The following PCDHGA7 variants were observed in gnomAD, a reference collection of about 807,000 sequenced individuals.
PCDHGA7 encodes the protein protocadherin gamma subfamily A, 7.
Under a neutral mutation model 58.3 loss-of-function variants are expected in PCDHGA7, and 44 were observed. The ratio of observed to expected loss-of-function variants is 0.75; its 90% CI spans 0.59 to 0.97. The LOEUF is 0.97. Ranked by LOEUF, PCDHGA7 falls within the 50% of genes least tolerant of loss-of-function variation. The probability of loss-of-function intolerance (pLI) is 0.00; values close to 1 mark genes in which losing one functional copy is unlikely to be tolerated. For synonymous variants in PCDHGA7, 516 were observed against 504.2 expected, an observed-to-expected ratio of 1.02 and a Z score of -0.31; for missense variants, 1,266 against 1,188.7, an observed-to-expected ratio of 1.06 and a Z score of -0.96.
At chr5:141,427,440 G>A (rs747459662) in intron 1 of PCDHGA7, 1 of 477,484 alleles carries the variant, frequency 2.1e-6, no homozygotes, top group South Asian at 1.5e-5. Flanking sequence ...CCTCATAAAC[G>A]AAAGAGTTCC....
chr5:141,393,981 T>G, intron 1 of PCDHGA7: 3 of 1,613,792 alleles, frequency 1.9e-6, no homozygotes, highest in Non-Finnish European at 2.5e-6. Flanking sequence ...ACGTGATAAT[T>G]TACCTTTTAA....
rs779250544 is a variant in PCDHGA7, at chr5:141,432,639, G to A, written c.2424+47316G>A. The A allele has an allele frequency of 1.2e-6, 2 of 1,613,816 alleles. No homozygotes were observed. Among genetic ancestry groups the A allele is most frequent in the Non-Finnish European group, 1.7e-6 (2 of 1,179,934 alleles). On this transcript the variant is annotated intron_variant, in intron 1 of 3. Coordinates refer to ENST00000518325, the MANE Select transcript of PCDHGA7 (RefSeq NM_018920.4). This position sits in a 1 kb window ranked among gnomAD's most constrained non-coding sequence, Gnocchi z 6.0. Reference sequence around the variant, plus strand: ...GTGGGTCTGCACACGGGCGAGGTGCGCACGGCGCGAGCCCTGCTGGACAGA... The same window carrying A: ...GTGGGTCTGCACACGGGCGAGGTGCACACGGCGCGAGCCCTGCTGGACAGA...
chr5:141,383,721 T>C lies in PCDHGA7; in HGVS notation c.822T>C (p.Asn274=), dbSNP rs990608432. The C allele has an allele frequency of 6.2e-6, 10 of 1,613,892 alleles. No individual in the cohort carries two copies. The South Asian group carries it at 6.6e-5, about 11-fold the overall frequency. Residue 274 remains asparagine, a synonymous_variant, in exon 1 of 4, where the codon AAT becomes AAC. Coordinates refer to ENST00000518325, the MANE Select transcript of PCDHGA7 (RefSeq NM_018920.4). ...VHAIDLDEGV[N]GEVTYSFRKI... is the part of the protein sequence containing the mutation. ...CTATCGACCTGGACGAGGGAGTCAA[T>C]GGGGAAGTGACATATTCTTTTCGGA...
At chr5:141,472,807 G>T (rs573078292) in intron 1 of PCDHGA7, among the ~76,000 whole-genome samples, 43 of 151,782 alleles carry the variant, frequency 2.8e-4, no homozygotes, top group African/African-American at 1.0e-3. Flanking sequence ...CCAACATGGA[G>T]AAACCCCCGT....
At position 141,422,526 on chromosome 5, in the gene PCDHGA7, G is replaced by A. The variant is rs956066609; in HGVS notation, c.2424+37203G>A. 9 of 1,613,866 alleles carry A rather than the reference G, an allele frequency of 5.6e-6. No homozygotes were observed. In the African/African-American group the frequency reaches 1.1e-4, roughly 19 times the overall value. The stretch of plus-strand genomic sequence containing the variant: ...CCACAGACCAGGGAAGCCCGCCTTT[G>A]TCTGCAGAAACTCATGTCTGGCTGA... On this transcript the variant is annotated intron_variant, in intron 1 of 3. Coordinates refer to ENST00000518325, the MANE Select transcript of PCDHGA7 (RefSeq NM_018920.4).
intron 3 of PCDHGA7, chr5:141,507,000 TGA>T (rs1235660361): frequency 1.3e-5 from 2 of 152,218 alleles, no homozygotes; most frequent in African/African-American, 4.8e-5. Flanking sequence ...ACTCGACAGA[TGA>T]GAGAACCGAG....
chr5:141,384,729 G>C lies in PCDHGA7; in HGVS notation c.1830G>C (p.Lys610Asn). ...CCTGGCTGTCATACCTCCTGCTTAA[G>C]GCCAGCGAGCCAGGACTCTTTGCGG... ...QNAWLSYLLL[K>N]ASEPGLFAVG... The change falls in exon 1 of 4, where the codon AAG becomes AAC. Residue 610 changes from lysine to asparagine, a missense_variant. Transcript: ENST00000518325. The C allele has an allele frequency of 6.2e-7, 1 of 1,614,122 alleles. No homozygotes were observed. The highest frequency in any genetic ancestry group is 1.7e-4 in the Middle Eastern group (1 of 6,060).
At chr5:141,404,518 T>C (rs775647026) in intron 1 of PCDHGA7, 16 of 1,613,656 alleles carry the variant, frequency 9.9e-6, no homozygotes, top group Non-Finnish European at 1.4e-5. Flanking sequence ...CCTTTGACTA[T>C]GAGCAGTTTA....
chr5:141,487,069 T>C lies in PCDHGA7; in HGVS notation c.2425-7738T>C, dbSNP rs750739955. 26 of 1,614,160 alleles carry C rather than the reference T, an allele frequency of 1.6e-5. No homozygotes were observed. Among genetic ancestry groups the C allele is most frequent in the Non-Finnish European group, 2.0e-5 (24 of 1,180,002 alleles). On this transcript the variant is annotated intron_variant, in intron 1 of 3. Transcript: ENST00000518325. This position sits in a 1 kb window ranked among gnomAD's most constrained non-coding sequence, Gnocchi z 5.0. The stretch of plus-strand genomic sequence containing the variant: ...ATGCTGGGGAGGTGCGGACGGCTGT[T>C]CCTATCCCAGCTGACCTCCCACCAC...
intron 1 of PCDHGA7, chr5:141,395,335 T>C (rs2093216572): frequency 6.9e-7 from 1 of 1,441,668 alleles, no homozygotes; most frequent in Non-Finnish European, 9.2e-7. Flanking sequence ...GAAAATAATT[T>C]TTAAGGTGTA....
intron 1 of PCDHGA7, among the ~76,000 whole-genome samples, chr5:141,455,160 G>GTT (rs59530096): frequency 1.3e-4 from 20 of 149,232 alleles, no homozygotes; most frequent in South Asian, 1.1e-3. Flanking sequence ...TAGTTTGTTG[G>GTT]TTTTTTTTTT....
chr5:141,390,101 CA>C (rs1212774339), intron 1 of PCDHGA7: 8 of 1,613,946 alleles, frequency 5.0e-6, no homozygotes, highest in Non-Finnish European at 6.8e-6. Flanking sequence ...TGGTTCCCCC[CA>C]ACTACAGCGA....
chr5:141,428,376 A>G (rs2097136159), intron 1 of PCDHGA7: 2 of 528,068 alleles, frequency 3.8e-6, no homozygotes, highest in African/African-American at 1.9e-5. Flanking sequence ...TGCACCTGCG[A>G]TGCTCTTCCA....
intron 1 of PCDHGA7, chr5:141,399,589 A>T: frequency 6.2e-7 from 1 of 1,613,984 alleles, no homozygotes; most frequent in Non-Finnish European, 8.5e-7. Context: ...CTACTCTATC[A>T]TGGCCAGCGA....
rs1036281905 is a variant in PCDHGA7 at position 141,493,555 on chromosome 5, T to C, written c.2425-1252T>C. ...GCCAGTTATCCTTTTGGAGATTGAG[T>C]TCCCCCAGCTCCGTTTCCTCCTATC... On this transcript the variant is annotated intron_variant, in intron 1 of 3. Transcript: ENST00000518325. This position sits in a 1 kb window ranked among gnomAD's most constrained non-coding sequence, Gnocchi z 4.3. Among the ~76,000 whole-genome samples, 3 of 152,012 alleles carry C rather than the reference T, an allele frequency of 2.0e-5. No individual in the cohort carries two copies. Among genetic ancestry groups the C allele is most frequent in the African/African-American group, 7.3e-5 (3 of 41,362 alleles).
At chr5:141,389,766 C>G in intron 1 of PCDHGA7, 1 of 1,613,060 alleles carries the variant, frequency 6.2e-7, no homozygotes, top group Non-Finnish European at 8.5e-7. Flanking sequence ...GCGCACAGCG[C>G]GTGCCTTAGG....
rs373867677 is a variant in PCDHGA7 at position 141,432,049 on chromosome 5, G to A, written c.2424+46726G>A. The A allele has an allele frequency of 2.0e-5, 32 of 1,614,150 alleles. No individual in the cohort carries two copies. In the African/African-American group the frequency reaches 4.1e-4, roughly 21 times the overall value. ...TGACCGCCACTGACCGGGGAACCCC[G>A]CCCCTATCCACGGAAACTCATATCT... On this transcript the variant is annotated intron_variant, in intron 1 of 3. Coordinates refer to ENST00000518325, the MANE Select transcript of PCDHGA7 (RefSeq NM_018920.4). The surrounding 1 kb of genome is among the most constrained non-coding windows in gnomAD (Gnocchi z 6.0).
At chr5:141,413,664 T>G in intron 1 of PCDHGA7, 1 of 1,613,858 alleles carries the variant, frequency 6.2e-7, no homozygotes, top group Non-Finnish European at 8.5e-7. Flanking sequence ...AAGCTATTGA[T>G]CCGGATGTGG....
intron 1 of PCDHGA7, chr5:141,427,892 C>A (rs752723370): frequency 9.9e-5 from 155 of 1,567,044 alleles, no homozygotes; most frequent in Non-Finnish European, 1.3e-4. Context: ...ACGACCAGGG[C>A]TCGCCCGCGC....
Sources: allele counts gnomAD v4.1 joint callset (sites outside exome capture counted in the v4.1 genomes callset), GRCh38; gene constraint gnomAD v4.1.1; non-coding constraint Gnocchi (gnomAD v3.1); transcripts MANE v1.5; gene names NCBI Gene and HGNC (gene_info 2026-07-23, HGNC 2026-07-21).